The following ATXN8OS variants were observed in gnomAD, a reference collection of about 807,000 sequenced individuals.
ATXN8OS encodes ATXN8 opposite strand lncRNA.
intron 1 of ATXN8OS, among the ~76,000 whole-genome samples, chr13:70,110,706 A>C (rs1023049587): frequency 1.3e-5 from 2 of 152,058 alleles, no homozygotes; most frequent in Non-Finnish European, 2.9e-5. Context: ...ATACTGCACT[A>C]ATTAATTTAT....
chr13:70,162,373 C>T (rs1429366987), intron 4 of ATXN8OS, among the ~76,000 whole-genome samples: 1 of 152,084 alleles, frequency 6.6e-6, no homozygotes, highest in African/African-American at 2.4e-5. Context: ...GAACAAACCC[C>T]CTAGAGGGAT....
At chr13:70,125,032 G>T (rs1403838459) in intron 2 of ATXN8OS, among the ~76,000 whole-genome samples, 2 of 150,958 alleles carry the variant, frequency 1.3e-5, no homozygotes, top group Admixed American at 6.6e-5. Context: ...TTTAAAAACC[G>T]CATATATTTT....
intron 3 of ATXN8OS, among the ~76,000 whole-genome samples, chr13:70,140,076 G>A (rs1326831429): frequency 1.3e-5 from 2 of 152,034 alleles, no homozygotes; most frequent in Non-Finnish European, 2.9e-5. Context: ...TTCTCTGACT[G>A]AATCAAGAAA....
intron 4 of ATXN8OS, among the ~76,000 whole-genome samples, chr13:70,154,099 C>T (rs1309625672): frequency 5.3e-5 from 8 of 152,104 alleles, no homozygotes; most frequent in Admixed American, 5.2e-4. Flanking sequence ...TACATTTTAA[C>T]CATATTGAAC....
chr13:70,139,134 G>A (rs1207901623), intron 3 of ATXN8OS: 5 of 407,154 alleles, frequency 1.2e-5, no homozygotes, highest in Non-Finnish European at 2.2e-5. Flanking sequence ...CTAGTTCTTG[G>A]CTCCAGACTA....
At chr13:70,136,273 T>C (rs1485559604) in intron 3 of ATXN8OS, among the ~76,000 whole-genome samples, 1 of 152,188 alleles carries the variant, frequency 6.6e-6, no homozygotes, top group Non-Finnish European at 1.5e-5. Context: ...GTTCGTTATA[T>C]AGCAACTCAA....
chr13:70,169,002 T>C (rs575724638), intron 4 of ATXN8OS, among the ~76,000 whole-genome samples: 40 of 152,140 alleles, frequency 2.6e-4, no homozygotes, highest in Non-Finnish European at 8.8e-5. Context: ...ATGTCACTGA[T>C]GCTTATTTTT....
chr13:70,156,362 A>G (rs899582415), intron 4 of ATXN8OS, among the ~76,000 whole-genome samples: 1 of 152,094 alleles, frequency 6.6e-6, no homozygotes, highest in African/African-American at 2.4e-5. Flanking sequence ...AATTAGATGT[A>G]TAACTTTTCT....
intron 3 of ATXN8OS, among the ~76,000 whole-genome samples, chr13:70,130,394 G>A (rs925199542): frequency 7.2e-5 from 11 of 152,056 alleles, no homozygotes; most frequent in African/African-American, 2.2e-4. Context: ...ATGAGCACAC[G>A]CTTACTAATA....
chr13:70,126,918 A>G (rs538041288), intron 2 of ATXN8OS, among the ~76,000 whole-genome samples: 15 of 151,838 alleles, frequency 9.9e-5, no homozygotes, highest in African/African-American at 3.4e-4. Context: ...TAACCTCTGT[A>G]TCTGTATATC....
intron 2 of ATXN8OS, among the ~76,000 whole-genome samples, chr13:70,125,031 C>T (rs1888410761): frequency 6.6e-6 from 1 of 151,312 alleles, no homozygotes; most frequent in Non-Finnish European, 1.5e-5. Flanking sequence ...TTTTAAAAAC[C>T]GCATATATTT....
chr13:70,154,797 A>G (rs541255353), intron 4 of ATXN8OS, among the ~76,000 whole-genome samples: 21 of 152,324 alleles, frequency 1.4e-4, no homozygotes, highest in African/African-American at 4.8e-4. Flanking sequence ...TGTTTTATCT[A>G]AGAAGTACAA....
chr13:70,167,496 T>C (rs1402090260), intron 4 of ATXN8OS, among the ~76,000 whole-genome samples: 1 of 151,486 alleles, frequency 6.6e-6, no homozygotes, highest in Non-Finnish European at 1.5e-5. Flanking sequence ...AACATCACAC[T>C]CTGGGGACTG....
At chr13:70,132,539 C>T (rs1888548793) in intron 3 of ATXN8OS, among the ~76,000 whole-genome samples, 1 of 151,946 alleles carries the variant, frequency 6.6e-6, no homozygotes, top group African/African-American at 2.4e-5. Flanking sequence ...GTTACAGAAT[C>T]ATTCTTATCC....
chr13:70,159,228 A>T (rs1456499429), intron 4 of ATXN8OS, among the ~76,000 whole-genome samples: 1 of 151,844 alleles, frequency 6.6e-6, no homozygotes, highest in East Asian at 1.9e-4. Flanking sequence ...AGAAGAATTA[A>T]ATTATATTCA....
rs868318428 is a variant in ATXN8OS at position 70,111,294 on chromosome 13, A to G, written n.240+3275A>G. ...CATTATCTGTTACTTGTAATAGAAA[A>G]CCTGAAGGTGGGTAACTTATAAAGA... On this transcript the variant is annotated intron_variant and non_coding_transcript_variant, in intron 1 of 4. Transcript: ENST00000678624. Among the ~76,000 whole-genome samples, 8 of 152,296 alleles carry G rather than the reference A, an allele frequency of 5.3e-5. 1 individual carries two copies. In the Middle Eastern group the frequency reaches 0.01, roughly 194 times the overall value.
At position 70,141,773 on chromosome 13, in the gene ATXN8OS, G is replaced by A. The variant is rs1198144415; in HGVS notation, n.500-5582G>A. Reference sequence around the variant, plus strand: ...CAGTATTCTATTTATAAGGAATACTGGTTATTAAATATTACTTATACTATA... The same window carrying A: ...CAGTATTCTATTTATAAGGAATACTAGTTATTAAATATTACTTATACTATA... On this transcript the variant is annotated intron_variant and non_coding_transcript_variant, in intron 3 of 4. Coordinates refer to ENST00000678624, the Ensembl canonical transcript of ATXN8OS. Among the ~76,000 whole-genome samples, 7 of 151,694 alleles carry A rather than the reference G, an allele frequency of 4.6e-5. No individual in the cohort carries two copies. In the South Asian group the frequency reaches 1.2e-3, roughly 27 times the overall value.
rs1888924815 is a variant in ATXN8OS, at chr13:70,155,437, C to T, written n.573+8009C>T. ...ATAGAAACACACCATCCTTGTGCTG[C>T]TGGTTTACATTCCATTGCCATATTA... On this transcript the variant is annotated intron_variant and non_coding_transcript_variant, in intron 4 of 4. Transcript: ENST00000678624. Among the ~76,000 whole-genome samples, 4 of 152,274 alleles carry T rather than the reference C, an allele frequency of 2.6e-5. No individual in the cohort carries two copies. The South Asian group carries it at 8.3e-4, about 32-fold the overall frequency.
At chr13:70,119,290 G>C (rs1888325770) in intron 2 of ATXN8OS, among the ~76,000 whole-genome samples, 1 of 152,074 alleles carries the variant, frequency 6.6e-6, no homozygotes, top group Admixed American at 6.6e-5. Flanking sequence ...CAATCACACA[G>C]TCAGCCCTAC....
Sources: allele counts gnomAD v4.1 joint callset (sites outside exome capture counted in the v4.1 genomes callset), GRCh38; gene constraint gnomAD v4.1.1; transcripts MANE v1.5; gene names NCBI Gene and HGNC (gene_info 2026-07-23, HGNC 2026-07-21).